The following PPP2R5E variants were observed in gnomAD, a reference collection of about 807,000 sequenced individuals.
PPP2R5E encodes serine/threonine-protein phosphatase 2A 56 kDa regulatory subunit epsilon isoform.
Under a neutral mutation model 65.3 loss-of-function variants are expected in PPP2R5E, and 4 were observed. That is an observed-to-expected ratio of 0.06 (90% CI 0.03 to 0.14). The LOEUF (loss-of-function observed/expected upper bound fraction) is 0.14. Among genes scored for constraint, PPP2R5E ranks in the 10% least tolerant of loss-of-function variants. The pLI, the probability that PPP2R5E is intolerant of heterozygous loss-of-function variation, is 1.00. For synonymous variants in PPP2R5E, 183 were observed against 187.4 expected (o/e 0.98, Z 0.19); for missense variants, 274 against 556.1 (o/e 0.49, Z 5.10).
chr14:63,471,281 T>G (rs1007018165), intron 2 of PPP2R5E, among the ~76,000 whole-genome samples: 1 of 152,218 alleles, frequency 6.6e-6, no homozygotes, highest in African/African-American at 2.4e-5. Context: ...GAATCTATCC[T>G]CTATTGAAAA....
At chr14:63,407,548 T>A (rs938398883) in intron 5 of PPP2R5E, among the ~76,000 whole-genome samples, 2 of 125,024 alleles carry the variant, frequency 1.6e-5, no homozygotes, top group African/African-American at 9.8e-5. Flanking sequence ...ACATATATGC[T>A]TATTTTTTTT....
chr14:63,410,296 G>C (rs1375830213), intron 5 of PPP2R5E, among the ~76,000 whole-genome samples: 1 of 152,174 alleles, frequency 6.6e-6, no homozygotes, highest in African/African-American at 2.4e-5. Flanking sequence ...AAAAGGAAAA[G>C]GATGTAGGTT....
intron 5 of PPP2R5E, among the ~76,000 whole-genome samples, chr14:63,399,366 C>CTTTCT (rs1885604828): frequency 1.2e-4 from 6 of 48,520 alleles, no homozygotes; most frequent in Non-Finnish European, 2.2e-4. Flanking sequence ...GGATTTCTTT[C>CTTTCT]TTTTTTTTTT....
intron 12 of PPP2R5E, among the ~76,000 whole-genome samples, chr14:63,383,359 G>T (rs975130435): frequency 3.3e-5 from 5 of 152,196 alleles, no homozygotes; most frequent in Non-Finnish European, 5.9e-5. Flanking sequence ...TACACTTGCT[G>T]TGTAGCTTCT....
chr14:63,468,920 A>G (rs1889973948), intron 2 of PPP2R5E, among the ~76,000 whole-genome samples: 1 of 151,984 alleles, frequency 6.6e-6, no homozygotes, highest in African/African-American at 2.4e-5. Context: ...TTCCCCACAC[A>G]CTCTGTTATT....
intron 3 of PPP2R5E, chr14:63,452,682 T>C (rs1203560165): frequency 6.6e-6 from 1 of 152,254 alleles, no homozygotes; most frequent in Non-Finnish European, 1.5e-5. Flanking sequence ...CAGATGACCT[T>C]CATTATTTCA....
chr14:63,397,159 GTA>G (rs1013362862), intron 5 of PPP2R5E, among the ~76,000 whole-genome samples: 6 of 152,292 alleles, frequency 3.9e-5, no homozygotes, highest in African/African-American at 1.4e-4. Flanking sequence ...CCAAAAGTCC[GTA>G]GCTCAACCAC....
At chr14:63,507,537 AAAC>A (rs928543851) in intron 2 of PPP2R5E, among the ~76,000 whole-genome samples, 1 of 151,476 alleles carries the variant, frequency 6.6e-6, no homozygotes, top group African/African-American at 2.4e-5. Context: ...TAAAAAAAAA[AAAC>A]AAGACTTAAA....
intron 3 of PPP2R5E, chr14:63,451,955 A>T (rs1183843985): frequency 6.6e-6 from 1 of 152,214 alleles, no homozygotes; most frequent in Non-Finnish European, 1.5e-5. Context: ...TGATGTGTGT[A>T]TAAGGATATT....
intron 13 of PPP2R5E, among the ~76,000 whole-genome samples, chr14:63,381,251 T>C (rs1022688749): frequency 7.2e-5 from 11 of 152,256 alleles, no homozygotes; most frequent in Admixed American, 7.2e-4. Flanking sequence ...TACCAGACTA[T>C]TAACCTTCAT....
In PPP2R5E at chr14:63,423,344, A is replaced by C. The variant is rs763616032; in HGVS notation, c.355-1250T>G. On this transcript the variant is annotated intron_variant, in intron 3 of 13. Transcript: ENST00000337537. ...ACTCCTGACCTCAAGTGACCTGCCC[A>C]CTTCAGCCTCCCAAAGTGCAGGGAT... Among the ~76,000 whole-genome samples, 39 of 152,198 alleles carry C rather than the reference A, an allele frequency of 2.6e-4. No individual in the cohort carries two copies. In the Middle Eastern group the frequency reaches 0.01, roughly 40 times the overall value.
chr14:63,482,146 T>C (rs1256927829), intron 2 of PPP2R5E, among the ~76,000 whole-genome samples: 1 of 152,216 alleles, frequency 6.6e-6, no homozygotes. Context: ...CTTTCAAGCC[T>C]ATATGAGCAA....
chr14:63,419,251 A>G (rs190823978), intron 4 of PPP2R5E, among the ~76,000 whole-genome samples: 63 of 152,114 alleles, frequency 4.1e-4, no homozygotes, highest in Middle Eastern at 3.4e-3. Context: ...ACCACATCTC[A>G]ATGTCATTTT....
intron 2 of PPP2R5E, among the ~76,000 whole-genome samples, chr14:63,506,621 T>G (rs1260809371): frequency 1.3e-5 from 2 of 152,078 alleles, no homozygotes; most frequent in Non-Finnish European, 2.9e-5. Flanking sequence ...ATAAGATGAC[T>G]ATCATCAAAA....
chr14:63,481,465 C>T (rs1890695466), intron 2 of PPP2R5E, among the ~76,000 whole-genome samples: 1 of 143,686 alleles, frequency 7.0e-6, no homozygotes, highest in Admixed American at 7.5e-5. Flanking sequence ...CACTGCACTC[C>T]AGCCTGGGCG....
chr14:63,514,866 C>T (rs998995114), intron 2 of PPP2R5E, among the ~76,000 whole-genome samples: 1 of 152,158 alleles, frequency 6.6e-6, no homozygotes, highest in African/African-American at 2.4e-5. Context: ...GCAAGGTAGA[C>T]GATATTATCA....
chr14:63,441,924 A>T (rs1238691353), intron 3 of PPP2R5E, among the ~76,000 whole-genome samples: 4 of 151,954 alleles, frequency 2.6e-5, no homozygotes, highest in South Asian at 2.1e-4. Context: ...AAAAAAAAAA[A>T]AATACACAGA....
intron 2 of PPP2R5E, among the ~76,000 whole-genome samples, chr14:63,533,006 T>C (rs1359153533): frequency 6.6e-6 from 1 of 152,110 alleles, no homozygotes; most frequent in South Asian, 2.1e-4. Flanking sequence ...TAATTTTTTA[T>C]TGTATTTTTT....
chr14:63,434,866 G>A (rs867521553), intron 3 of PPP2R5E, among the ~76,000 whole-genome samples: 30 of 152,150 alleles, frequency 2.0e-4, no homozygotes, highest in Middle Eastern at 6.8e-3. Context: ...TGTCTCTTTG[G>A]TGCTCATGAT....
Sources: allele counts gnomAD v4.1 joint callset (sites outside exome capture counted in the v4.1 genomes callset), GRCh38; gene constraint gnomAD v4.1.1; transcripts MANE v1.5; gene names NCBI Gene and HGNC (gene_info 2026-07-23, HGNC 2026-07-21).